Variants in CSMD1 observed in about 807,000 individuals in gnomAD.
CSMD1 encodes CUB and sushi domain-containing protein 1.
CSMD1 carries 213 observed loss-of-function variants against 417.5 expected under a neutral mutation model. That is an observed-to-expected ratio of 0.51 (90% CI 0.46 to 0.57). CSMD1 has a LOEUF of 0.57. Among genes scored for constraint, CSMD1 ranks in the 20% least tolerant of loss-of-function variants. CSMD1 has a pLI of 0.00. For synonymous variants in CSMD1, 2,862 were observed against 1,736.8 expected, an observed-to-expected ratio of 1.65 and a Z score of -16.11; for missense variants, 6,923 against 4,529.7, an observed-to-expected ratio of 1.53 and a Z score of -15.17.
chr8:4,249,163 G>C (rs1346337033), intron 3 of CSMD1, among the ~76,000 whole-genome samples: 1 of 152,178 alleles, frequency 6.6e-6, no homozygotes, highest in African/African-American at 2.4e-5. Flanking sequence ...CATATATTAA[G>C]AGAATGATAG....
At chr8:3,796,716 C>A (rs915973481) in intron 5 of CSMD1, among the ~76,000 whole-genome samples, 3 of 150,616 alleles carry the variant, frequency 2.0e-5, no homozygotes, top group Admixed American at 6.6e-5. Context: ...GGGTAGGAAA[C>A]AATTCTATAT....
chr8:4,052,276 C>G (rs1391471518), intron 3 of CSMD1, among the ~76,000 whole-genome samples: 3 of 152,228 alleles, frequency 2.0e-5, no homozygotes, highest in South Asian at 2.1e-4. Flanking sequence ...CACAGCCTGC[C>G]ATTTGGCAAA....
At chr8:4,734,654 A>G (rs1810112608) in intron 1 of CSMD1, among the ~76,000 whole-genome samples, 1 of 152,160 alleles carries the variant, frequency 6.6e-6, no homozygotes, top group Non-Finnish European at 1.5e-5. Context: ...TTTTTATTTT[A>G]ACAATGATTC....
At chr8:3,471,976 G>A (rs941667432) in intron 11 of CSMD1, among the ~76,000 whole-genome samples, 2 of 152,060 alleles carry the variant, frequency 1.3e-5, no homozygotes, top group Admixed American at 1.3e-4. Flanking sequence ...TACAGGTGAT[G>A]TCAGCACCCT....
At chr8:3,374,673 C>G (rs996690959) in intron 18 of CSMD1, among the ~76,000 whole-genome samples, 3 of 152,136 alleles carry the variant, frequency 2.0e-5, no homozygotes, top group African/African-American at 7.2e-5. Context: ...TGCAGAAGAT[C>G]AGAAGCAACC....
intron 2 of CSMD1, among the ~76,000 whole-genome samples, chr8:4,445,497 A>C (rs926289445): frequency 1.1e-4 from 16 of 152,202 alleles, no homozygotes; most frequent in African/African-American, 9.6e-5. Flanking sequence ...TGCTTTCATA[A>C]AGCCAATTTT....
rs936837518 is a variant in CSMD1 at position 4,077,566 on chromosome 8, C to G, written c.416-45467G>C. 1.3e-4 allele frequency among the ~76,000 whole-genome samples: 20 copies of G among 151,918 alleles called. No individual in the cohort carries two copies. In the East Asian group the frequency reaches 3.3e-3, roughly 25 times the overall value. ...TCAAAACAACACATTCCCTGTAAAC[C>G]ACTGCTATGCCTATCAAATTCCTCC... On this transcript the variant is annotated intron_variant, in intron 3 of 69. Coordinates refer to ENST00000635120, the MANE Select transcript of CSMD1 (RefSeq NM_033225.6).
chr8:3,138,933 G>C (rs1818274825), intron 41 of CSMD1, among the ~76,000 whole-genome samples: 1 of 152,198 alleles, frequency 6.6e-6, no homozygotes, highest in Non-Finnish European at 1.5e-5. Flanking sequence ...AGTTGGAAGA[G>C]TAAATCTGGA....
intron 2 of CSMD1, among the ~76,000 whole-genome samples, chr8:4,535,600 C>G (rs1358684309): frequency 6.6e-6 from 1 of 152,170 alleles, no homozygotes; most frequent in Non-Finnish European, 1.5e-5. Flanking sequence ...GATAGCATCT[C>G]TGTTCTGTGA....
chr8:4,401,311 A>G (rs941657221), intron 3 of CSMD1, among the ~76,000 whole-genome samples: 1 of 152,224 alleles, frequency 6.6e-6, no homozygotes, highest in Non-Finnish European at 1.5e-5. Context: ...ATATTTCTAC[A>G]GGAATAAAAT....
intron 54 of CSMD1, among the ~76,000 whole-genome samples, chr8:2,990,819 G>A (rs947192734): frequency 1.3e-5 from 2 of 152,204 alleles, no homozygotes; most frequent in South Asian, 2.1e-4. Flanking sequence ...CATGGGCCCA[G>A]AGCTATGCAA....
At chr8:3,458,772 C>T (rs998156818) in intron 12 of CSMD1, among the ~76,000 whole-genome samples, 2 of 152,142 alleles carry the variant, frequency 1.3e-5, no homozygotes, top group African/African-American at 4.8e-5. Context: ...AAATGGCTCA[C>T]CAAGATGAAG....
chr8:4,293,459 G>T (rs1011589736), intron 3 of CSMD1, among the ~76,000 whole-genome samples: 1 of 152,150 alleles, frequency 6.6e-6, no homozygotes, highest in Non-Finnish European at 1.5e-5. Flanking sequence ...ACTAATATGT[G>T]AAAATTATTA....
intron 11 of CSMD1, among the ~76,000 whole-genome samples, chr8:3,488,217 C>G (rs973647254): frequency 6.6e-6 from 1 of 152,000 alleles, no homozygotes; most frequent in Non-Finnish European, 1.5e-5. Flanking sequence ...ACCCTTTCAC[C>G]TTAGCCTCCT....
At chr8:4,497,115 G>C (rs1192748980) in intron 2 of CSMD1, among the ~76,000 whole-genome samples, 1 of 152,140 alleles carries the variant, frequency 6.6e-6, no homozygotes, top group Non-Finnish European at 1.5e-5. Context: ...TGACATCCCA[G>C]ACAGCTTGTC....
chr8:3,778,616 C>T (rs1329572863), intron 5 of CSMD1, among the ~76,000 whole-genome samples: 2 of 152,188 alleles, frequency 1.3e-5, no homozygotes, highest in Non-Finnish European at 2.9e-5. Flanking sequence ...TGTCTCTGTT[C>T]TGCACCTCTC....
chr8:4,085,107 C>G (rs1213762991), intron 3 of CSMD1, among the ~76,000 whole-genome samples: 3 of 152,112 alleles, frequency 2.0e-5, no homozygotes, highest in Admixed American at 6.6e-5. Flanking sequence ...ATTGGTCCAA[C>G]CAGTTGGACA....
At chr8:3,909,460 C>G (rs989822532) in intron 5 of CSMD1, among the ~76,000 whole-genome samples, 1 of 152,066 alleles carries the variant, frequency 6.6e-6, no homozygotes, top group African/African-American at 2.4e-5. Flanking sequence ...ACGGCGTGCT[C>G]CTGAGACAGC....
intron 1 of CSMD1, among the ~76,000 whole-genome samples, chr8:4,822,723 A>G (rs112981523): frequency 0.06 from 9,076 of 152,230 alleles, 325 homozygotes; most frequent in African/African-American, 0.082. Flanking sequence ...GTAAGCTTTC[A>G]TAAGAATGAT....
Sources: gnomAD v4.1 joint callset for allele counts (sites outside exome capture counted in the v4.1 genomes callset) on GRCh38, gnomAD v4.1.1 for gene constraint, MANE v1.5 for transcripts, NCBI Gene and HGNC (gene_info 2026-07-23, HGNC 2026-07-21) for gene names.